Variants in ADAMTSL3 observed in about 807,000 individuals in gnomAD.
The protein encoded by ADAMTSL3 is ADAMTS like 3.
Under a neutral mutation model 201.7 loss-of-function variants are expected in ADAMTSL3, and 128 were observed. The observed-to-expected ratio is 0.63, with a 90% CI of 0.55 to 0.73. ADAMTSL3 has a LOEUF of 0.73. Ranked by LOEUF, ADAMTSL3 falls within the 30% of genes least tolerant of loss-of-function variation. The pLI, the probability that ADAMTSL3 is intolerant of heterozygous loss-of-function variation, is 0.00. For synonymous variants in ADAMTSL3, 738 were observed against 748.4 expected (o/e 0.99, Z 0.23); for missense variants, 1,990 against 2,119.6 (o/e 0.94, Z 1.20).
rs1207354207 is a variant in ADAMTSL3, at chr15:83,927,939, G to A, written c.2117+3906G>A. Among the ~76,000 whole-genome samples, 3 of 151,536 alleles carry A rather than the reference G, an allele frequency of 2.0e-5. No homozygotes were observed. In the East Asian group the frequency reaches 5.8e-4, roughly 29 times the overall value. ...AAAAAAATGGTTTCGAATTTACACA[G>A]ACTTAAAATTGTGACTACAATTTGG... On this transcript the variant is annotated intron_variant, in intron 17 of 29. Coordinates refer to ENST00000286744, the MANE Select transcript of ADAMTSL3 (RefSeq NM_207517.3).
At chr15:83,704,237 C>T (rs1596057849) in intron 2 of ADAMTSL3, 152 bp from the exon 3 acceptor site, 1 of 1,166,878 alleles carries the variant, frequency 8.6e-7, no homozygotes. Context: ...TGGTGTGCCT[C>T]ACCCTGGTCT....
chr15:83,755,353 C>T (rs966553674), intron 3 of ADAMTSL3, among the ~76,000 whole-genome samples: 1 of 152,140 alleles, frequency 6.6e-6, no homozygotes, highest in Non-Finnish European at 1.5e-5. Context: ...CACCACCATC[C>T]ATCTTTAGAA....
chr15:84,022,413 A>T (rs1211499916), intron 26 of ADAMTSL3, among the ~76,000 whole-genome samples: 1 of 152,272 alleles, frequency 6.6e-6, no homozygotes, highest in African/African-American at 2.4e-5. Context: ...CTTGAAAATT[A>T]AATGAAAAAT....
At chr15:83,783,716 T>C (rs541754179) in intron 4 of ADAMTSL3, among the ~76,000 whole-genome samples, 32 of 151,504 alleles carry the variant, frequency 2.1e-4, no homozygotes, top group African/African-American at 6.5e-4. Context: ...GGAAGTTTAA[T>C]AGCCCTGAAT....
intron 3 of ADAMTSL3, among the ~76,000 whole-genome samples, chr15:83,763,109 G>A (rs532526260): frequency 1.1e-3 from 160 of 152,168 alleles, no homozygotes; most frequent in African/African-American, 3.7e-3. Flanking sequence ...GGCTGGTCTC[G>A]AACTCTTGAA....
intron 3 of ADAMTSL3, among the ~76,000 whole-genome samples, chr15:83,748,730 A>G (rs974598149): frequency 6.6e-6 from 1 of 151,972 alleles, no homozygotes; most frequent in Non-Finnish European, 1.5e-5. Flanking sequence ...GAAACACAGC[A>G]TGCATTTGTG....
chr15:84,023,001 C>T (rs2068233955), intron 26 of ADAMTSL3, among the ~76,000 whole-genome samples: 1 of 152,146 alleles, frequency 6.6e-6, no homozygotes, highest in Non-Finnish European at 1.5e-5. Flanking sequence ...TAAATCACGC[C>T]TTATGTTATA....
At chr15:83,827,843 T>C (rs553372475) in intron 6 of ADAMTSL3, among the ~76,000 whole-genome samples, 3 of 152,302 alleles carry the variant, frequency 2.0e-5, no homozygotes, top group Non-Finnish European at 2.9e-5. Context: ...TGTGGTATTA[T>C]TTCTGAGGGC....
intron 23 of ADAMTSL3, among the ~76,000 whole-genome samples, chr15:84,002,803 A>G (rs2067816343): frequency 6.6e-6 from 1 of 152,234 alleles, no homozygotes; most frequent in African/African-American, 2.4e-5. Flanking sequence ...TTTGAAAGTC[A>G]TGGATTCCTG....
At chr15:83,848,414 C>T (rs1367206952) in intron 7 of ADAMTSL3, among the ~76,000 whole-genome samples, 2 of 152,232 alleles carry the variant, frequency 1.3e-5, no homozygotes, top group Non-Finnish European at 2.9e-5. Context: ...TCCTGTACAT[C>T]TTGCTACTTA....
chr15:83,737,426 T>G (rs925711147), intron 3 of ADAMTSL3, among the ~76,000 whole-genome samples: 1 of 152,122 alleles, frequency 6.6e-6, no homozygotes, highest in Non-Finnish European at 1.5e-5. Context: ...CTCATGACAG[T>G]GAGTTCTCAC....
intron 23 of ADAMTSL3, among the ~76,000 whole-genome samples, chr15:84,001,121 C>T (rs1378725859): frequency 1.3e-5 from 2 of 152,200 alleles, no homozygotes; most frequent in Non-Finnish European, 2.9e-5. Context: ...GCCTGCCAGT[C>T]ACTCAAGATA....
intron 19 of ADAMTSL3, among the ~76,000 whole-genome samples, chr15:83,950,889 T>C (rs2066744094): frequency 6.6e-6 from 1 of 152,114 alleles, no homozygotes. Context: ...TCAGTTCTAA[T>C]AGTTTTTTGG....
At chr15:83,729,623 T>C (rs1373864593) in intron 3 of ADAMTSL3, among the ~76,000 whole-genome samples, 1 of 151,968 alleles carries the variant, frequency 6.6e-6, no homozygotes, top group Non-Finnish European at 1.5e-5. Context: ...TCAATCTCTT[T>C]GTTAGTTTTA....
At chr15:83,780,417 A>AC (rs2063149340) in intron 4 of ADAMTSL3, among the ~76,000 whole-genome samples, 1 of 150,772 alleles carries the variant, frequency 6.6e-6, no homozygotes, top group African/African-American at 2.4e-5. Context: ...TTAAAAAAAA[A>AC]AAAAAACAAA....
chr15:83,999,232 A>T (rs1399808404), intron 23 of ADAMTSL3, among the ~76,000 whole-genome samples: 1 of 152,244 alleles, frequency 6.6e-6, no homozygotes, highest in Non-Finnish European at 1.5e-5. Context: ...TCATTGTGTG[A>T]ATGTAGCATA....
In ADAMTSL3 at chr15:83,991,126, A is replaced by C. The variant is rs780684500; in HGVS notation, c.3885A>C (p.Lys1295Asn). ...TGTCTGTTGAAAGAAATATCACCAA[A>C]CCAGAGCACAACCATCTGTCTGTTG... ...VILSVERNITKPEHNHLSVVV... is the reference protein window; with the variant it reads ...VILSVERNITNPEHNHLSVVV... Residue 1295 changes from lysine (K) to asparagine (N), a missense_variant, in exon 23 of 30, where the codon AAA becomes AAC. By Grantham distance (94) the Lys-to-Asn change is moderately conservative. Transcript: ENST00000286744. The C allele has an allele frequency of 1.9e-6, 3 of 1,614,170 alleles. No individual in the cohort carries two copies. The highest frequency in any genetic ancestry group is 1.7e-6 in the Non-Finnish European group (2 of 1,180,012).
intron 3 of ADAMTSL3, among the ~76,000 whole-genome samples, chr15:83,719,612 G>T (rs2062069726): frequency 1.3e-5 from 2 of 152,200 alleles, no homozygotes; most frequent in Non-Finnish European, 2.9e-5. Context: ...TATAGTGGGA[G>T]TGGGTGAGTA....
intron 19 of ADAMTSL3, among the ~76,000 whole-genome samples, chr15:83,952,799 C>T (rs960112241): frequency 5.0e-5 from 7 of 139,108 alleles, no homozygotes; most frequent in Non-Finnish European, 1.1e-4. Flanking sequence ...GAGTAAGATT[C>T]CACCTCAAAA....
Sources: allele counts gnomAD v4.1 joint callset (sites outside exome capture counted in the v4.1 genomes callset), GRCh38; gene constraint gnomAD v4.1.1; transcripts MANE v1.5; gene names NCBI Gene and HGNC (gene_info 2026-07-23, HGNC 2026-07-21).